Variants in MAGT1 observed in about 807,000 individuals in gnomAD.
MAGT1 encodes magnesium transporter 1, also known as dolichyl-diphosphooligosaccharide--protein glycosyltransferase subunit MAGT1.
Under a neutral mutation model 28.4 loss-of-function variants are expected in MAGT1, and 4 were observed. The observed-to-expected ratio is 0.14, with a 90% CI of 0.07 to 0.32. The LOEUF (loss-of-function observed/expected upper bound fraction) is 0.32. Ranked by LOEUF, MAGT1 falls within the 10% of genes least tolerant of loss-of-function variation. The pLI, the probability that MAGT1 is intolerant of heterozygous loss-of-function variation, is 1.00. For missense variants in MAGT1, 193 were observed against 264.5 expected (o/e 0.73, Z 1.88); for synonymous variants, 89 against 89.7 (o/e 0.99, Z 0.04).
At chrX:77,863,756 G>A (rs2077000915) in intron 3 of MAGT1, among the ~76,000 whole-genome samples, 1 of 112,041 alleles carries the variant, frequency 8.9e-6, no homozygotes, top group Non-Finnish European at 1.9e-5. Context: ...AGTGGCTTGC[G>A]CCTGTAATCC....
At chrX:77,844,750 G>T (rs1336217645) in intron 7 of MAGT1, among the ~76,000 whole-genome samples, 3 of 111,422 alleles carry the variant, frequency 2.7e-5, no homozygotes, top group Non-Finnish European at 5.7e-5. Flanking sequence ...GTAGTTGAGT[G>T]GTTCTGAGTG....
chrX:77,893,436 T>C (rs1408117369), intron 1 of MAGT1, among the ~76,000 whole-genome samples: 1 of 111,670 alleles, frequency 9.0e-6, no homozygotes, highest in Non-Finnish European at 1.9e-5. Flanking sequence ...ATTCACCATA[T>C]TGACCATTTT....
intron 1 of MAGT1, 133 bp from the exon 2 acceptor site, chrX:77,875,730 T>C: frequency 1.8e-6 from 1 of 562,978 alleles, no homozygotes; most frequent in Non-Finnish European, 3.0e-6. Context: ...AAAGCCAAAA[T>C]TTGGTAGTTG....
chrX:77,829,660 A>G (rs2076892343), intron 9 of MAGT1, among the ~76,000 whole-genome samples: 1 of 109,436 alleles, frequency 9.1e-6, no homozygotes, highest in African/African-American at 3.3e-5. Context: ...AATTACCTTC[A>G]CATCTCAATT....
chrX:77,836,931 C>A (rs932465193), intron 8 of MAGT1, among the ~76,000 whole-genome samples: 8 of 111,316 alleles, frequency 7.2e-5, no homozygotes, highest in Non-Finnish European at 1.1e-4. Flanking sequence ...TGTGCACATA[C>A]GTATATACAG....
chrX:77,870,558 A>G (rs2077018177), intron 3 of MAGT1, among the ~76,000 whole-genome samples: 1 of 111,625 alleles, frequency 9.0e-6, no homozygotes, highest in East Asian at 2.8e-4. Context: ...TTAAAATGAT[A>G]AAGTTTGTTT....
At chrX:77,844,967 G>C (rs2149013968) in intron 7 of MAGT1, among the ~76,000 whole-genome samples, 1 of 111,188 alleles carries the variant, frequency 9.0e-6, no homozygotes, top group African/African-American at 3.3e-5. Context: ...GGTCCGCTTG[G>C]TGCAGAGCTG....
chrX:77,836,246 T>C (rs1326831725), intron 8 of MAGT1, among the ~76,000 whole-genome samples: 1 of 111,108 alleles, frequency 9.0e-6, no homozygotes, highest in Non-Finnish European at 1.9e-5. Flanking sequence ...GGAACGGTAG[T>C]TGGGGAATGC....
intron 8 of MAGT1, 72 bp from the exon 9 acceptor site, chrX:77,830,967 C>CTTATTTTATTTTA: frequency 3.1e-6 from 1 of 319,414 alleles, no homozygotes; most frequent in Non-Finnish European, 5.2e-6. Context: ...TCTATACTTT[C>CTTATTTTATTTTA]TTTTTTTATT....
chrX:77,834,577 GC>G (rs2149010044), intron 8 of MAGT1, among the ~76,000 whole-genome samples: 1 of 109,973 alleles, frequency 9.1e-6, no homozygotes, highest in South Asian at 3.9e-4. Context: ...CAAGTGATCT[GC>G]CCTTCTTGGC....
chrX:77,861,671 T>C (rs1482901245), intron 3 of MAGT1, among the ~76,000 whole-genome samples: 1 of 112,379 alleles, frequency 8.9e-6, no homozygotes, highest in Non-Finnish European at 1.9e-5. Flanking sequence ...GACAGATGTA[T>C]GGGTAAACAA....
intron 3 of MAGT1, among the ~76,000 whole-genome samples, chrX:77,864,838 A>T (rs908070033): frequency 2.7e-5 from 3 of 110,744 alleles, no homozygotes; most frequent in African/African-American, 9.9e-5. Context: ...CAGCCTCCCA[A>T]GTAGCTGGGA....
At chrX:77,851,250 C>A (rs2076967222) in intron 7 of MAGT1, among the ~76,000 whole-genome samples, 1 of 111,013 alleles carries the variant, frequency 9.0e-6, no homozygotes, top group African/African-American at 3.3e-5. Context: ...GAGTCTCACC[C>A]TGTCATCCAG....
intron 1 of MAGT1, among the ~76,000 whole-genome samples, chrX:77,886,604 G>A (rs1328748373): frequency 6.3e-5 from 7 of 110,750 alleles, no homozygotes; most frequent in Non-Finnish European, 1.3e-4. Context: ...GATTGCACCT[G>A]GTGATAGCCA....
At chrX:77,851,217 T>C (rs1399685613) in intron 7 of MAGT1, among the ~76,000 whole-genome samples, 1 of 110,177 alleles carries the variant, frequency 9.1e-6, no homozygotes, top group South Asian at 3.9e-4. Context: ...ACATTGTCTT[T>C]CTTTTTTTTT....
chrX:77,833,134 G>A (rs782622750), intron 8 of MAGT1, among the ~76,000 whole-genome samples: 10 of 112,077 alleles, frequency 8.9e-5, no homozygotes, highest in African/African-American at 3.2e-4. Context: ...ACTAACATCA[G>A]AATCGTCTGA....
In MAGT1 at chrX:77,836,082, G is replaced by A. The variant is rs924181363; in HGVS notation, c.901+5164C>T. ...GTCTCCCAAAGTGCTGGGATTACAG[G>A]AGTGAGCCACCATGCCCAGCCTTGG... On this transcript the variant is annotated intron_variant, in intron 8 of 9. Transcript: ENST00000618282. Among the ~76,000 whole-genome samples, 3 of 111,364 alleles carry A rather than the reference G, an allele frequency of 2.7e-5. No homozygotes were observed. The East Asian group carries it at 8.4e-4, about 31-fold the overall frequency.
chrX:77,880,696 G>A (rs782714245), intron 1 of MAGT1, among the ~76,000 whole-genome samples: 4 of 110,392 alleles, frequency 3.6e-5, no homozygotes, highest in Non-Finnish European at 7.6e-5. Flanking sequence ...AGTGGCTCAC[G>A]CCTGTAATCC....
At chrX:77,881,267 TATATAG>T (rs1217592386) in intron 1 of MAGT1, among the ~76,000 whole-genome samples, 3 of 111,382 alleles carry the variant, frequency 2.7e-5, no homozygotes, top group Non-Finnish European at 5.7e-5. Context: ...GTTTTTTTTA[TATATAG>T]ATATTTATTA....
Sources: gnomAD v4.1 joint callset for allele counts (sites outside exome capture counted in the v4.1 genomes callset) on GRCh38, gnomAD v4.1.1 for gene constraint, MANE v1.5 for transcripts, NCBI Gene and HGNC (gene_info 2026-07-23, HGNC 2026-07-21) for gene names.